Variants in DCC observed in about 807,000 individuals in gnomAD.
DCC encodes the protein DCC netrin 1 receptor.
In DCC, 58 loss-of-function variants were observed where a neutral mutation model predicts 172.5. That is an observed-to-expected ratio of 0.34 (90% confidence interval 0.27 to 0.42). The LOEUF (loss-of-function observed/expected upper bound fraction) is 0.42. Among genes scored for constraint, DCC ranks in the 10% least tolerant of loss-of-function variants. The probability of loss-of-function intolerance (pLI) is 1.00; values close to 1 mark genes in which losing one functional copy is unlikely to be tolerated. For synonymous variants in DCC, 709 were observed against 644.5 expected (o/e 1.10, Z -1.52); for missense variants, 1,740 against 1,791.0 (o/e 0.97, Z 0.51).
chr18:53,224,365 A>C (rs2055991546), intron 12 of DCC, among the ~76,000 whole-genome samples: 1 of 152,168 alleles, frequency 6.6e-6, no homozygotes, highest in African/African-American at 2.4e-5. Flanking sequence ...TGAGAATAGA[A>C]TAGAAGACGG....
intron 1 of DCC, among the ~76,000 whole-genome samples, chr18:52,609,764 TG>T (rs1178614498): frequency 1.3e-5 from 2 of 151,960 alleles, no homozygotes; most frequent in African/African-American, 4.8e-5. Flanking sequence ...TTCTGAATTT[TG>T]GTTTGGAAAT....
At chr18:53,330,261 AGATT>A (rs2057516007) in intron 14 of DCC, among the ~76,000 whole-genome samples, 1 of 152,158 alleles carries the variant, frequency 6.6e-6, no homozygotes, top group South Asian at 2.1e-4. Context: ...ATTTCCCTTA[AGATT>A]GATTGTATTC....
intron 1 of DCC, among the ~76,000 whole-genome samples, chr18:52,442,713 G>T (rs1183091741): frequency 6.6e-6 from 1 of 152,180 alleles, no homozygotes; most frequent in African/African-American, 2.4e-5. Context: ...CAAAACATTT[G>T]TAGATTTTAA....
At chr18:52,787,163 A>C (rs1247208389) in intron 2 of DCC, among the ~76,000 whole-genome samples, 2 of 152,124 alleles carry the variant, frequency 1.3e-5, no homozygotes, top group Non-Finnish European at 2.9e-5. Context: ...ATATTCCAAA[A>C]AGGTTGCTTT....
chr18:53,296,899 A>G (rs1304873284), intron 12 of DCC, among the ~76,000 whole-genome samples: 1 of 152,140 alleles, frequency 6.6e-6, no homozygotes, highest in Non-Finnish European at 1.5e-5. Flanking sequence ...TGCCCTTCAT[A>G]GCTTTCTATG....
chr18:52,807,694 C>T (rs1568116981), intron 2 of DCC, among the ~76,000 whole-genome samples: 1 of 152,084 alleles, frequency 6.6e-6, no homozygotes, highest in Non-Finnish European at 1.5e-5. Context: ...TCTCTTTTTG[C>T]CTCTGGACAG....
At chr18:52,893,166 CT>C (rs899781745) in intron 2 of DCC, among the ~76,000 whole-genome samples, 2 of 151,830 alleles carry the variant, frequency 1.3e-5, no homozygotes, top group South Asian at 2.1e-4. Flanking sequence ...TAGGCTTCTC[CT>C]TTTTTTTGTC....
At chr18:53,228,581 A>G (rs180788764) in intron 12 of DCC, among the ~76,000 whole-genome samples, 1 of 152,210 alleles carries the variant, frequency 6.6e-6, no homozygotes, top group Non-Finnish European at 1.5e-5. Context: ...TCCATGGGGA[A>G]TTAACTTCTC....
At chr18:52,583,892 T>G (rs552955656) in intron 1 of DCC, among the ~76,000 whole-genome samples, 1 of 152,358 alleles carries the variant, frequency 6.6e-6, no homozygotes, top group South Asian at 2.1e-4. Context: ...TGCTTTCTCT[T>G]TCTTCCTTTT....
intron 5 of DCC, among the ~76,000 whole-genome samples, chr18:52,971,649 G>C (rs938000170): frequency 6.6e-6 from 1 of 152,026 alleles, no homozygotes; most frequent in Middle Eastern, 3.2e-3. Flanking sequence ...GGGAGAGGTG[G>C]TTTTCAATGG....
At chr18:53,367,670 C>T (rs1031829412) in intron 15 of DCC, among the ~76,000 whole-genome samples, 3 of 152,076 alleles carry the variant, frequency 2.0e-5, no homozygotes, top group African/African-American at 7.2e-5. Context: ...TTAAATGACA[C>T]CTGCCCATTC....
At chr18:52,647,207 T>C (rs1345032225) in intron 1 of DCC, among the ~76,000 whole-genome samples, 1 of 152,178 alleles carries the variant, frequency 6.6e-6, no homozygotes, top group Non-Finnish European at 1.5e-5. Context: ...CAGACACTGT[T>C]TTCTTCTTTA....
At chr18:53,476,668 A>G (rs1011575530) in intron 25 of DCC, among the ~76,000 whole-genome samples, 1 of 152,164 alleles carries the variant, frequency 6.6e-6, no homozygotes, top group African/African-American at 2.4e-5. Context: ...GATCATGAAA[A>G]CAGACTAATA....
At chr18:53,488,906 C>G (rs2045931052) in intron 26 of DCC, among the ~76,000 whole-genome samples, 1 of 151,956 alleles carries the variant, frequency 6.6e-6, no homozygotes, top group African/African-American at 2.4e-5. Context: ...TGCCTGTATT[C>G]CCAGCATTTT....
chr18:53,430,076 A>G (rs905184327), intron 21 of DCC, among the ~76,000 whole-genome samples: 1 of 152,106 alleles, frequency 6.6e-6, no homozygotes, highest in Non-Finnish European at 1.5e-5. Context: ...TGTCAGATGG[A>G]CAGTAAAATT....
intron 14 of DCC, among the ~76,000 whole-genome samples, chr18:53,338,932 C>G (rs891653308): frequency 6.6e-6 from 1 of 152,184 alleles, no homozygotes; most frequent in African/African-American, 2.4e-5. Flanking sequence ...ATCTCAAAAT[C>G]TCACAGACAG....
chr18:53,054,097 C>T (rs961557366), intron 5 of DCC, among the ~76,000 whole-genome samples: 5 of 152,054 alleles, frequency 3.3e-5, no homozygotes, highest in Non-Finnish European at 7.4e-5. Context: ...TGCATATAAC[C>T]TACGTCAATC....
intron 22 of DCC, among the ~76,000 whole-genome samples, chr18:53,440,944 C>A (rs1023973025): frequency 4.6e-5 from 7 of 152,328 alleles, no homozygotes; most frequent in African/African-American, 1.7e-4. Flanking sequence ...CTGAACCTCA[C>A]CAGCATTAAC....
intron 6 of DCC, among the ~76,000 whole-genome samples, chr18:53,065,281 G>A (rs577800105): frequency 6.6e-5 from 10 of 152,202 alleles, no homozygotes; most frequent in East Asian, 1.9e-4. Context: ...GATTTAACAC[G>A]TTTCACTTAC....
Sources: allele counts gnomAD v4.1 joint callset (sites outside exome capture counted in the v4.1 genomes callset), GRCh38; gene constraint gnomAD v4.1.1; transcripts MANE v1.5; gene names NCBI Gene and HGNC (gene_info 2026-07-23, HGNC 2026-07-21).